KCNIP4: variants seen among roughly 807,000 people sequenced by gnomAD.
The protein encoded by KCNIP4 is Kv channel-interacting protein 4.
In KCNIP4, 12 loss-of-function variants were observed where a neutral mutation model predicts 34.0. The observed-to-expected ratio is 0.35, with a 90% CI of 0.23 to 0.57. KCNIP4 has a LOEUF of 0.57. KCNIP4 is among the 20% of genes least tolerant of loss of function. The probability of loss-of-function intolerance (pLI) is 0.83; values close to 1 mark genes in which losing one functional copy is unlikely to be tolerated. For missense variants in KCNIP4, 238 were observed against 311.7 expected, an observed-to-expected ratio of 0.76 and a Z score of 1.78; for synonymous variants, 124 against 102.2, an observed-to-expected ratio of 1.21 and a Z score of -1.29.
intron 1 of KCNIP4, among the ~76,000 whole-genome samples, chr4:21,839,726 G>T (rs1723563389): frequency 6.6e-6 from 1 of 151,666 alleles, no homozygotes; most frequent in South Asian, 2.1e-4. Flanking sequence ...CTGCACTCCT[G>T]CCTGGGCAAC....
At chr4:20,785,345 C>G (rs546613200) in intron 3 of KCNIP4, among the ~76,000 whole-genome samples, 1 of 96,316 alleles carries the variant, frequency 1.0e-5, no homozygotes, top group South Asian at 3.4e-4. Context: ...TTTTTTTTTG[C>G]TACTGCATGC....
At chr4:20,940,932 A>G (rs1170754010) in intron 1 of KCNIP4, among the ~76,000 whole-genome samples, 1 of 152,202 alleles carries the variant, frequency 6.6e-6, no homozygotes, top group African/African-American at 2.4e-5. Context: ...TCCAGTCTCA[A>G]CCATTTAATG....
chr4:21,244,442 A>G (rs1395036278), intron 1 of KCNIP4, among the ~76,000 whole-genome samples: 4 of 152,236 alleles, frequency 2.6e-5, no homozygotes, highest in Non-Finnish European at 4.4e-5. Context: ...TTTACTATCC[A>G]TGATGCTATA....
At chr4:21,156,662 A>G (rs1309141524) in intron 1 of KCNIP4, among the ~76,000 whole-genome samples, 1 of 152,152 alleles carries the variant, frequency 6.6e-6, no homozygotes, top group African/African-American at 2.4e-5. Flanking sequence ...CTAAGACACT[A>G]AGTAATAGAG....
chr4:20,952,688 AAATT>A (rs1232671855), intron 1 of KCNIP4, among the ~76,000 whole-genome samples: 61 of 152,376 alleles, frequency 4.0e-4, no homozygotes, highest in African/African-American at 1.4e-3. Flanking sequence ...CAGATTTAAA[AAATT>A]AATTATTAAT....
intron 1 of KCNIP4, among the ~76,000 whole-genome samples, chr4:21,838,774 A>C (rs527743448): frequency 1.8e-4 from 28 of 152,302 alleles, no homozygotes; most frequent in African/African-American, 6.7e-4. Context: ...TTAGAAAAAA[A>C]CAAACAAAAA....
chr4:21,470,888 G>A (rs1730410699), intron 1 of KCNIP4, among the ~76,000 whole-genome samples: 1 of 152,124 alleles, frequency 6.6e-6, no homozygotes, highest in Admixed American at 6.6e-5. Flanking sequence ...CTTCAGCTCT[G>A]CATCAGCAGT....
At chr4:21,139,615 C>T (rs1333509171) in intron 1 of KCNIP4, among the ~76,000 whole-genome samples, 2 of 152,142 alleles carry the variant, frequency 1.3e-5, no homozygotes, top group African/African-American at 2.4e-5. Context: ...CTTTCCATCT[C>T]GACTCAACTC....
intron 3 of KCNIP4, among the ~76,000 whole-genome samples, chr4:20,813,753 A>G (rs1274070402): frequency 6.6e-6 from 1 of 152,230 alleles, no homozygotes; most frequent in African/African-American, 2.4e-5. Context: ...TATTAATACT[A>G]GTAAGTTTCT....
chr4:21,531,496 C>T (rs966420864), intron 1 of KCNIP4, among the ~76,000 whole-genome samples: 9 of 151,986 alleles, frequency 5.9e-5, no homozygotes, highest in African/African-American at 2.2e-4. Context: ...CTGCCTCAAC[C>T]TCCTGAGTAG....
chr4:21,681,226 G>A (rs1045597885), intron 1 of KCNIP4, among the ~76,000 whole-genome samples: 8 of 151,604 alleles, frequency 5.3e-5, no homozygotes, highest in African/African-American at 1.5e-4. Flanking sequence ...GTACAGTCTC[G>A]AGTAGCTGGG....
chr4:20,760,595 T>A (rs1187841212), intron 3 of KCNIP4, among the ~76,000 whole-genome samples: 1 of 152,200 alleles, frequency 6.6e-6, no homozygotes, highest in South Asian at 2.1e-4. Context: ...AGCTTCTCGA[T>A]ATGGTTTTAT....
intron 2 of KCNIP4, among the ~76,000 whole-genome samples, chr4:20,860,596 T>C (rs1257962500): frequency 6.6e-6 from 1 of 152,238 alleles, no homozygotes; most frequent in Non-Finnish European, 1.5e-5. Flanking sequence ...CTTTATCTCA[T>C]TGATAAAAAT....
At chr4:20,789,771 G>T (rs1442290144) in intron 3 of KCNIP4, among the ~76,000 whole-genome samples, 2 of 150,744 alleles carry the variant, frequency 1.3e-5, no homozygotes, top group African/African-American at 4.9e-5. Context: ...GATCATCCAG[G>T]CTCCAGCTGA....
intron 2 of KCNIP4, 38 bp downstream of exon 2, chr4:20,882,570 G>T: frequency 6.9e-7 from 1 of 1,445,754 alleles, no homozygotes. Flanking sequence ...CGAAACAAGA[G>T]TTTCGGAGGA....
chr4:21,934,567 C>T (rs1287114267), intron 1 of KCNIP4, among the ~76,000 whole-genome samples: 3 of 151,960 alleles, frequency 2.0e-5, no homozygotes, highest in Admixed American at 2.0e-4. Flanking sequence ...GGAGATTTTC[C>T]AGTTCATTTG....
intron 1 of KCNIP4, among the ~76,000 whole-genome samples, chr4:21,570,835 C>T (rs916588716): frequency 2.0e-5 from 3 of 152,062 alleles, no homozygotes; most frequent in Non-Finnish European, 2.9e-5. Flanking sequence ...TATATCACAT[C>T]GAACCCTCCA....
chr4:20,807,208 T>C (rs530659017), intron 3 of KCNIP4, among the ~76,000 whole-genome samples: 60 of 152,324 alleles, frequency 3.9e-4, no homozygotes, highest in African/African-American at 1.4e-3. Flanking sequence ...CATTTACACT[T>C]ATACTTTGGT....
chr4:21,301,718 C>T (rs186156401), intron 1 of KCNIP4, among the ~76,000 whole-genome samples: 3 of 152,212 alleles, frequency 2.0e-5, no homozygotes, highest in Non-Finnish European at 4.4e-5. Flanking sequence ...TAAAATTAGG[C>T]TGTAACTGTA....
Sources: gnomAD v4.1 joint callset for allele counts (sites outside exome capture counted in the v4.1 genomes callset) on GRCh38, gnomAD v4.1.1 for gene constraint, MANE v1.5 for transcripts, NCBI Gene and HGNC (gene_info 2026-07-23, HGNC 2026-07-21) for gene names.